The following BIRC6 variants were observed in gnomAD, a reference collection of about 807,000 sequenced individuals.
BIRC6 encodes the protein baculoviral IAP repeat containing 6.
Under a neutral mutation model 503.3 loss-of-function variants are expected in BIRC6, and 98 were observed. The ratio of observed to expected loss-of-function variants is 0.19; its 90% confidence interval spans 0.17 to 0.23. BIRC6 has a LOEUF of 0.23. Ranked by LOEUF, BIRC6 falls within the 10% of genes least tolerant of loss-of-function variation. BIRC6 has a pLI of 1.00. For synonymous variants in BIRC6, 2,240 were observed against 2,078.7 expected (o/e 1.08, Z -2.11); for missense variants, 5,360 against 5,806.0 (o/e 0.92, Z 2.50).
At chr2:32,458,627 G>A (rs536115530) in intron 23 of BIRC6, among the ~76,000 whole-genome samples, 39 of 149,880 alleles carry the variant, frequency 2.6e-4, no homozygotes, top group Admixed American at 9.3e-4. Flanking sequence ...ATATATATAT[G>A]GGTCTGTTTC....
intron 21 of BIRC6, among the ~76,000 whole-genome samples, chr2:32,446,074 G>T (rs1400512111): frequency 2.6e-5 from 4 of 151,872 alleles, no homozygotes; most frequent in African/African-American, 9.7e-5. Context: ...CAGGCTGTTC[G>T]CAAACTCCCA....
chr2:32,440,843 G>C (rs2045351016), intron 16 of BIRC6, among the ~76,000 whole-genome samples: 1 of 151,570 alleles, frequency 6.6e-6, no homozygotes, highest in Non-Finnish European at 1.5e-5. Context: ...GCTCACTGCA[G>C]CCTCCACCCA....
At chr2:32,581,853 T>C (rs2060696944) in intron 66 of BIRC6, among the ~76,000 whole-genome samples, 1 of 152,166 alleles carries the variant, frequency 6.6e-6, no homozygotes, top group East Asian at 1.9e-4. Context: ...AAGTGATCTA[T>C]ATTTTATTTT....
chr2:32,598,104 C>A, intron 69 of BIRC6, 136 bp downstream of exon 69: 3 of 849,920 alleles, frequency 3.5e-6, no homozygotes, highest in Non-Finnish European at 5.2e-6. Flanking sequence ...CATTTTTAGA[C>A]GGCAGTGAAA....
At chr2:32,487,043 T>C (rs1174415563) in intron 40 of BIRC6, among the ~76,000 whole-genome samples, 2 of 152,174 alleles carry the variant, frequency 1.3e-5, no homozygotes, top group Non-Finnish European at 2.9e-5. Context: ...AAAATCTGTT[T>C]GAAATTGGTG....
intron 27 of BIRC6, 56 bp from the exon 28 acceptor site, chr2:32,467,847 C>T: frequency 4.1e-6 from 6 of 1,473,112 alleles, no homozygotes; most frequent in Non-Finnish European, 5.5e-6. Context: ...ATACATTGCT[C>T]AGATTTTTAT....
intron 55 of BIRC6, among the ~76,000 whole-genome samples, chr2:32,516,579 G>A (rs1461151202): frequency 7.6e-6 from 1 of 130,778 alleles, no homozygotes; most frequent in African/African-American, 3.0e-5. Flanking sequence ...GGGTGACAGA[G>A]TGAGACTCCA....
At chr2:32,517,861 A>T (rs1342138718) in intron 55 of BIRC6, among the ~76,000 whole-genome samples, 1 of 152,150 alleles carries the variant, frequency 6.6e-6, no homozygotes, top group Non-Finnish European at 1.5e-5. Flanking sequence ...GATTATCAGC[A>T]TGACCTTGGC....
At chr2:32,566,650 G>T (rs2059553653) in intron 65 of BIRC6, among the ~76,000 whole-genome samples, 1 of 152,118 alleles carries the variant, frequency 6.6e-6, no homozygotes, top group South Asian at 2.1e-4. Context: ...ACTGCATCCA[G>T]CTCACATATT....
chr2:32,589,948 T>A (rs750153182), intron 66 of BIRC6, among the ~76,000 whole-genome samples: 9 of 152,210 alleles, frequency 5.9e-5, no homozygotes, highest in Non-Finnish European at 1.3e-4. Context: ...AAAATATTTT[T>A]CTTTCAACAT....
At chr2:32,496,753 G>T (rs2052524397) in intron 45 of BIRC6, among the ~76,000 whole-genome samples, 1 of 152,146 alleles carries the variant, frequency 6.6e-6, no homozygotes, top group South Asian at 2.1e-4. Context: ...TTTTGAGTGA[G>T]ATTGCATCAT....
chr2:32,417,433 T>C (rs1460844818), intron 10 of BIRC6, among the ~76,000 whole-genome samples: 2 of 152,178 alleles, frequency 1.3e-5, no homozygotes, highest in Non-Finnish European at 2.9e-5. Context: ...CGTGTGGCAT[T>C]GTGCCTGGCC....
At chr2:32,534,266 C>G (rs2057015540) in intron 61 of BIRC6, among the ~76,000 whole-genome samples, 1 of 148,524 alleles carries the variant, frequency 6.7e-6, no homozygotes, top group African/African-American at 2.5e-5. Flanking sequence ...CCCAGCCGTT[C>G]AGGAGGCTGA....
chr2:32,478,570 C>G, intron 35 of BIRC6, 65 bp from the exon 36 acceptor site: 1 of 1,405,652 alleles, frequency 7.1e-7, no homozygotes, highest in South Asian at 1.4e-5. Flanking sequence ...TGGTAGACTT[C>G]TGTTAGTGTT....
chr2:32,569,433 A>C (rs868847123), intron 65 of BIRC6, among the ~76,000 whole-genome samples: 2 of 152,312 alleles, frequency 1.3e-5, no homozygotes, highest in Middle Eastern at 3.4e-3. Context: ...CAGTAGTGCT[A>C]TCAGAGCTCA....
At chr2:32,485,276 C>A (rs561024297) in intron 39 of BIRC6, among the ~76,000 whole-genome samples, 1 of 152,330 alleles carries the variant, frequency 6.6e-6, no homozygotes, top group East Asian at 1.9e-4. Context: ...GATGAATTCA[C>A]ATCAGTGTAT....
chr2:32,431,179 ATC>A, intron 12 of BIRC6, 89 bp downstream of exon 12: 23 of 49,052 alleles, frequency 4.7e-4, no homozygotes, highest in South Asian at 2.7e-3. Flanking sequence ...ATTACTGTTT[ATC>A]TTTTTTTTTT....
At position 32,397,364 on chromosome 2, in the gene BIRC6, C is replaced by T. The variant is rs143305302; in HGVS notation, c.1034+1771C>T. Among the ~76,000 whole-genome samples the T allele has an allele frequency of 3.2e-3, 482 of 151,636 alleles. 5 individuals are homozygous for T. Among genetic ancestry groups the T allele is most frequent in the African/African-American group, 0.011 (455 of 41,330 alleles). ...GTGTGCACCTGTAATTCCAGCTACTCGGGAGGGTGAGGCAGGAGAATCACT... is the reference window on the plus strand; with the variant it reads ...GTGTGCACCTGTAATTCCAGCTACTTGGGAGGGTGAGGCAGGAGAATCACT... On this transcript the variant is annotated intron_variant, in intron 6 of 73. Transcript: ENST00000421745.
chr2:32,388,290 G>A (rs923782628), intron 3 of BIRC6, among the ~76,000 whole-genome samples: 2 of 151,020 alleles, frequency 1.3e-5, no homozygotes, highest in Non-Finnish European at 2.9e-5. Context: ...GCTGAGGCAG[G>A]AGAATCACTT....
Sources: allele counts gnomAD v4.1 joint callset (sites outside exome capture counted in the v4.1 genomes callset), GRCh38; gene constraint gnomAD v4.1.1; transcripts MANE v1.5; gene names NCBI Gene and HGNC (gene_info 2026-07-23, HGNC 2026-07-21).